The following SPTBN1 variants were observed in gnomAD, a reference collection of about 807,000 sequenced individuals.
SPTBN1 encodes spectrin beta chain, non-erythrocytic 1.
In SPTBN1, 32 loss-of-function variants were observed where a neutral mutation model predicts 266.4. The ratio of observed to expected loss-of-function variants is 0.12; its 90% CI spans 0.09 to 0.16. The LOEUF (loss-of-function observed/expected upper bound fraction) is 0.16, where lower values mean the gene tolerates loss of function less well. Ranked by LOEUF, SPTBN1 falls within the 10% of genes least tolerant of loss-of-function variation. The pLI is 1.00. For synonymous variants in SPTBN1, 1,336 were observed against 1,162.2 expected, an observed-to-expected ratio of 1.15 and a Z score of -3.04; for missense variants, 2,296 against 3,067.1, an observed-to-expected ratio of 0.75 and a Z score of 5.94.
intron 2 of SPTBN1, among the ~76,000 whole-genome samples, chr2:54,543,241 T>C (rs1174375324): frequency 6.6e-6 from 1 of 152,184 alleles, no homozygotes; most frequent in African/African-American, 2.4e-5. Flanking sequence ...ATCCACCTTA[T>C]GGGAATGTTG....
intron 34 of SPTBN1, among the ~76,000 whole-genome samples, chr2:54,667,216 C>G (rs1234993793): frequency 6.6e-6 from 1 of 152,226 alleles, no homozygotes; most frequent in Non-Finnish European, 1.5e-5. Flanking sequence ...GTAGGGGATA[C>G]AAGCTCAGTA....
At chr2:54,511,488 C>T (rs1049187122) in intron 1 of SPTBN1, among the ~76,000 whole-genome samples, 6 of 152,096 alleles carry the variant, frequency 3.9e-5, no homozygotes, top group Non-Finnish European at 4.4e-5. Flanking sequence ...TTTCCACTGA[C>T]GGGTTGTGGG....
intron 2 of SPTBN1, chr2:54,528,430 A>C (rs1210322962): frequency 6.6e-6 from 1 of 152,632 alleles, no homozygotes; most frequent in African/African-American, 2.4e-5. Flanking sequence ...TAGGATGTTT[A>C]CCTAGGTCCC....
chr2:54,476,660 C>T (rs1024540774), intron 1 of SPTBN1, among the ~76,000 whole-genome samples: 1 of 152,178 alleles, frequency 6.6e-6, no homozygotes, highest in African/African-American at 2.4e-5. Flanking sequence ...TTTTGTTGAA[C>T]ATGCTTTGGG....
chr2:54,523,818 A>AGGTGCACATCTT (rs1223085768), intron 1 of SPTBN1, among the ~76,000 whole-genome samples: 2 of 152,208 alleles, frequency 1.3e-5, no homozygotes, highest in Non-Finnish European at 2.9e-5. Context: ...ACTCTGGCCT[A>AGGTGCACATCTT]GGTGCACATC....
rs190853756 is a variant in SPTBN1 at position 54,625,023 on chromosome 2, C to T, written c.1341+61C>T. ...AGGGTAATCTAGAAACACAGACCAT[C>T]CCCAGGGGCATAGGGCCAGAGGACA... On this transcript the variant is annotated intron_variant, in intron 11 of 35. Transcript: ENST00000356805. 50 of 1,511,098 alleles carry T rather than the reference C, an allele frequency of 3.3e-5. No homozygotes were observed. The East Asian group carries it at 1.0e-3, about 30-fold the overall frequency. The allele number at this position is 1,511,098 out of a possible 1,614,324, so 93.6% of individuals were successfully genotyped here.
chr2:54,595,559 C>T (rs1196051060), intron 2 of SPTBN1, among the ~76,000 whole-genome samples: 1 of 152,276 alleles, frequency 6.6e-6, no homozygotes, highest in Non-Finnish European at 1.5e-5. Flanking sequence ...CCCGCCCCAG[C>T]TCCATGCTGC....
Position 54,632,738 on chromosome 2 carries a change from T to A in SPTBN1, c.3737T>A (p.Ile1246Asn). The A allele has an allele frequency of 6.2e-7, 1 of 1,614,180 alleles. No individual in the cohort carries two copies. The highest frequency in any genetic ancestry group is 8.5e-7 in the Non-Finnish European group (1 of 1,180,034). ...VSDGNINSDR[I>N]QEKVDSIDDR... ...GATGGGAACATCAACTCAGATCGCATCCAGGAGAAGGTGGACTCTATTGAT... is the reference window on the plus strand; with the variant it reads ...GATGGGAACATCAACTCAGATCGCAACCAGGAGAAGGTGGACTCTATTGAT... Residue 1246 changes from isoleucine (I) to asparagine (N), a missense_variant, in exon 17 of 36, where the codon ATC becomes AAC. Physicochemically the swap from Ile to Asn is moderately radical, Grantham distance 149 (BLOSUM62 -3). Transcript: ENST00000356805.
chr2:54,486,525 T>G (rs1157103336), intron 1 of SPTBN1, among the ~76,000 whole-genome samples: 1 of 152,098 alleles, frequency 6.6e-6, no homozygotes, highest in East Asian at 1.9e-4. Context: ...GAAGGCAGCA[T>G]GCTCGTTAAG....
intron 1 of SPTBN1, among the ~76,000 whole-genome samples, chr2:54,474,420 C>T (rs1262940009): frequency 6.6e-6 from 1 of 151,400 alleles, no homozygotes; most frequent in Non-Finnish European, 1.5e-5. Flanking sequence ...ACCATGGGCC[C>T]ACTTTGTGAC....
At chr2:54,457,702 C>T (rs929892275) in intron 1 of SPTBN1, among the ~76,000 whole-genome samples, 1 of 152,218 alleles carries the variant, frequency 6.6e-6, no homozygotes, top group Non-Finnish European at 1.5e-5. Context: ...CCCGCCCGGC[C>T]CCACCCAGGC....
At chr2:54,569,787 A>G (rs1445017278) in intron 2 of SPTBN1, among the ~76,000 whole-genome samples, 1 of 152,180 alleles carries the variant, frequency 6.6e-6, no homozygotes, top group East Asian at 1.9e-4. Flanking sequence ...CTGGTACATA[A>G]TAAGGGCTCA....
intron 17 of SPTBN1, among the ~76,000 whole-genome samples, chr2:54,636,620 C>T (rs527555553): frequency 1.1e-4 from 17 of 152,330 alleles, no homozygotes; most frequent in Middle Eastern, 3.4e-3. Context: ...TCTTACTCAG[C>T]GTGTTGGAGA....
intron 27 of SPTBN1, among the ~76,000 whole-genome samples, chr2:54,654,484 T>C (rs2941584): frequency 0.64 from 96,663 of 152,066 alleles, 31,424 homozygotes; most frequent in Admixed American, 0.69. Flanking sequence ...GAAACTATGC[T>C]GCAATAAAAG....
intron 2 of SPTBN1, among the ~76,000 whole-genome samples, chr2:54,579,355 A>G (rs939196540): frequency 2.6e-5 from 4 of 152,142 alleles, no homozygotes; most frequent in Non-Finnish European, 5.9e-5. Context: ...TTTGGGACTG[A>G]TTCTCTGCTC....
chr2:54,620,667 T>C (rs1461626634), intron 7 of SPTBN1, among the ~76,000 whole-genome samples: 1 of 152,120 alleles, frequency 6.6e-6, no homozygotes, highest in Admixed American at 6.6e-5. Flanking sequence ...TAGTAAGGAA[T>C]ACAGTGTTTG....
At chr2:54,574,148 C>G (rs1054724296) in intron 2 of SPTBN1, among the ~76,000 whole-genome samples, 1 of 152,008 alleles carries the variant, frequency 6.6e-6, no homozygotes, top group African/African-American at 2.4e-5. Flanking sequence ...TTATTGGACA[C>G]TTATGTACCA....
At chr2:54,480,349 A>T (rs1479900600) in intron 1 of SPTBN1, among the ~76,000 whole-genome samples, 1 of 152,248 alleles carries the variant, frequency 6.6e-6, no homozygotes, top group Non-Finnish European at 1.5e-5. Flanking sequence ...GGGTTGCCAG[A>T]TTTAGGAAAA....
intron 34 of SPTBN1, 71 bp from the exon 35 acceptor site, chr2:54,667,533 G>T: frequency 7.0e-7 from 1 of 1,433,240 alleles, no homozygotes; most frequent in South Asian, 1.2e-5. Flanking sequence ...TCCTGCATGG[G>T]ATATGGGAGT....
Sources: allele counts gnomAD v4.1 joint callset (sites outside exome capture counted in the v4.1 genomes callset), GRCh38; gene constraint gnomAD v4.1.1; transcripts MANE v1.5; gene names NCBI Gene and HGNC (gene_info 2026-07-23, HGNC 2026-07-21).